PIK3CG: variants seen among roughly 807,000 people sequenced by gnomAD.
PIK3CG encodes the protein phosphatidylinositol 4,5-bisphosphate 3-kinase catalytic subunit gamma isoform.
PIK3CG carries 55 observed loss-of-function variants against 102.3 expected under a neutral mutation model. That is an observed-to-expected ratio of 0.54 (90% CI 0.43 to 0.67). The LOEUF (loss-of-function observed/expected upper bound fraction) is 0.67. PIK3CG is among the 30% of genes least tolerant of loss of function. PIK3CG has a pLI of 0.00. For missense variants in PIK3CG, 1,258 were observed against 1,391.8 expected, an observed-to-expected ratio of 0.90 and a Z score of 1.53; for synonymous variants, 552 against 540.0, an observed-to-expected ratio of 1.02 and a Z score of -0.31.
chr7:106,875,916 T>G (rs1432073358), intron 5 of PIK3CG, among the ~76,000 whole-genome samples: 2 of 148,472 alleles, frequency 1.3e-5, no homozygotes, highest in Non-Finnish European at 1.5e-5. Context: ...TTTGTTTTTT[T>G]TTTTTTTTTG....
chr7:106,889,130 C>A (rs566788169), intron 10 of PIK3CG, among the ~76,000 whole-genome samples: 3 of 152,288 alleles, frequency 2.0e-5, no homozygotes, highest in South Asian at 4.1e-4. Flanking sequence ...GCTCTGCTTA[C>A]AGAGTAAGTG....
Position 106,907,158 on chromosome 7 carries a change from C to T in PIK3CG, c.*1771C>T, listed in dbSNP as rs138772193. The T allele has an allele frequency of 3.4e-5, 6 of 175,888 alleles. No individual in the cohort carries two copies. Among genetic ancestry groups the T allele is most frequent in the Admixed American group, 1.3e-4 (2 of 15,808 alleles). 10.9% of individuals were successfully genotyped at this position (175,888 alleles called of 1,614,324 possible). On this transcript the variant is annotated 3_prime_UTR_variant, in exon 11 of 11. Coordinates refer to ENST00000496166, the MANE Select transcript of PIK3CG (RefSeq NM_001282426.2). ...TAAAAAATAAAAACACCCTTGCCTG[C>T]GCTCCATTCCCAGGTTATAATTTAA... is the stretch of plus-strand genomic sequence containing the variant.
At chr7:106,882,977 C>T (rs2116542718) in intron 7 of PIK3CG, 56 bp from the exon 8 acceptor site, 3 of 1,556,052 alleles carry the variant, frequency 1.9e-6, no homozygotes, top group Non-Finnish European at 2.6e-6. Flanking sequence ...GCCTTTCCTC[C>T]TCTGGGCCAG....
At position 106,872,456 on chromosome 7, in the gene PIK3CG, A is replaced by G; in HGVS notation, c.1996-81A>G. ...CCGTGAAGACCCAGTAAAGCAGAGC[A>G]CCAGTTCTTCTCCATTTCCTTTTCC... is the stretch of plus-strand genomic sequence containing the variant. On this transcript the variant is annotated intron_variant, in intron 2 of 10. Transcript: ENST00000496166. The surrounding 1 kb of genome is among the most constrained non-coding windows in gnomAD (Gnocchi z 5.3). The G allele has an allele frequency of 9.4e-7, 1 of 1,067,352 alleles. No individual in the cohort carries two copies. Among genetic ancestry groups the G allele is most frequent in the Non-Finnish European group, 1.4e-6 (1 of 690,900 alleles). 66.1% of individuals were successfully genotyped at this position (1,067,352 alleles called of 1,614,324 possible). A position where few individuals can be genotyped will look rare whatever the true frequency, so the allele number is the denominator to read the frequency against.
In PIK3CG at chr7:106,867,470, T is replaced by C. The variant is rs1177270460; in HGVS notation, c.-12-80T>C. 1 of 1,309,088 alleles carries C rather than the reference T, an allele frequency of 7.6e-7. No homozygotes were observed. The highest frequency in any genetic ancestry group is 1.5e-5 in the African/African-American group (1 of 67,524). 81.1% of individuals were successfully genotyped at this position (1,309,088 alleles called of 1,614,324 possible). On this transcript the variant is annotated intron_variant, in intron 1 of 10. Coordinates refer to ENST00000496166, the MANE Select transcript of PIK3CG (RefSeq NM_001282426.2). This position sits in a 1 kb window ranked among gnomAD's most constrained non-coding sequence, Gnocchi z 5.1. ...TGTGCACATGTACGCCGCCTATACC[T>C]CCTCTTCCCTCATCTCACCAGAAAA...
chr7:106,902,401 C>T lies in PIK3CG; in HGVS notation c.3031-2708C>T, dbSNP rs1240334207. ...ACAAATGCATCAGTCATGTAACCAC[C>T]ATCACAATTAAGTTATATAACATTT... is the stretch of plus-strand genomic sequence containing the variant. On this transcript the variant is annotated intron_variant, in intron 10 of 10. Coordinates refer to ENST00000496166, the MANE Select transcript of PIK3CG (RefSeq NM_001282426.2). The surrounding 1 kb of genome is among the most constrained non-coding windows in gnomAD (Gnocchi z 4.3). Among the ~76,000 whole-genome samples the T allele has an allele frequency of 3.3e-5, 5 of 152,098 alleles. No homozygotes were observed. Among genetic ancestry groups the T allele is most frequent in the Admixed American group, 3.3e-4 (5 of 15,264 alleles).
rs1438180231 is a variant in PIK3CG at position 106,883,219 on chromosome 7, G to C, written c.2760+56G>C. 2 of 1,575,642 alleles carry C rather than the reference G, an allele frequency of 1.3e-6. No individual in the cohort carries two copies. Among genetic ancestry groups the C allele is most frequent in the Non-Finnish European group, 1.7e-6 (2 of 1,148,860 alleles). On this transcript the variant is annotated intron_variant, in intron 8 of 10. Coordinates refer to ENST00000496166, the MANE Select transcript of PIK3CG (RefSeq NM_001282426.2). The surrounding 1 kb of genome is among the most constrained non-coding windows in gnomAD (Gnocchi z 5.8). ...CTCCTTACAAGTTGTCATTTATATA[G>C]CAGTAGTGGCTTCAAGTTTTCAGAG...
At chr7:106,888,804 C>T (rs4730205) in intron 10 of PIK3CG, among the ~76,000 whole-genome samples, 39,728 of 152,080 alleles carry the variant, frequency 0.26, 5,899 homozygotes, top group Admixed American at 0.38. Flanking sequence ...GGCTTTGTAG[C>T]GGAGAAACTT....
chr7:106,866,149 C>T (rs1790275148), intron 1 of PIK3CG, among the ~76,000 whole-genome samples: 1 of 152,192 alleles, frequency 6.6e-6, no homozygotes, highest in South Asian at 2.1e-4. Context: ...TTTTGGTATA[C>T]ATCAAATGCT....
rs1325668991 is a variant in PIK3CG, at chr7:106,890,864, C to T, written c.3030+4572C>T. Among the ~76,000 whole-genome samples the T allele has an allele frequency of 6.6e-6, 1 of 152,204 alleles. No individual in the cohort carries two copies. Among genetic ancestry groups the T allele is most frequent in the African/African-American group, 2.4e-5 (1 of 41,436 alleles). On this transcript the variant is annotated intron_variant, in intron 10 of 10. Transcript: ENST00000496166. The surrounding 1 kb of genome is among the most constrained non-coding windows in gnomAD (Gnocchi z 4.2). ...CACTGTGGCCTTCCTCCACATCTTCCCCCATCCCAGCTACCCACTGCTTTC... is the reference window on the plus strand; with the variant it reads ...CACTGTGGCCTTCCTCCACATCTTCTCCCATCCCAGCTACCCACTGCTTTC...
In PIK3CG at chr7:106,869,826, A is replaced by G. The variant is rs897181354; in HGVS notation, c.1995+270A>G. On this transcript the variant is annotated intron_variant, in intron 2 of 10. Coordinates refer to ENST00000496166, the MANE Select transcript of PIK3CG (RefSeq NM_001282426.2). The surrounding 1 kb of genome is among the most constrained non-coding windows in gnomAD (Gnocchi z 5.3). ...CTGTGGGAATACTTTGTTCTCATTT[A>G]TTATTTTAATGATAGATTGCACTTA... Among the ~76,000 whole-genome samples the G allele has an allele frequency of 1.3e-5, 2 of 152,184 alleles. No individual in the cohort carries two copies. Among genetic ancestry groups the G allele is most frequent in the Non-Finnish European group, 2.9e-5 (2 of 68,030 alleles).
rs749029489 is a variant in PIK3CG at position 106,884,162 on chromosome 7, C to T, written c.2768C>T (p.Ala923Val). ...EKSPTEEKFQ[A>V]AVERFVYSCA... ...CAAATGCATTTTAATTAGTTTCAGGCAGCAGTGGAGAGATTTGTTTATTCC... is the reference window on the plus strand; with the variant it reads ...CAAATGCATTTTAATTAGTTTCAGGTAGCAGTGGAGAGATTTGTTTATTCC... The change falls in exon 9 of 11, where the codon GCA becomes GTA. Residue 923 changes from alanine (A) to valine (V), a missense_variant. This residue lies in a region of PIK3CG where 426 missense variants were observed against 604.2 expected (regional missense o/e 0.71). Coordinates refer to ENST00000496166, the MANE Select transcript of PIK3CG (RefSeq NM_001282426.2). This position sits in a 1 kb window ranked among gnomAD's most constrained non-coding sequence, Gnocchi z 4.2. 1.1e-5 allele frequency: 17 copies of T among 1,610,292 alleles called. No homozygotes were observed. The highest frequency in any genetic ancestry group is 2.7e-5 in the African/African-American group (2 of 74,736).
At position 106,868,446 on chromosome 7, in the gene PIK3CG, C is replaced by T; in HGVS notation, c.885C>T (p.His295=). ...TCAAAAACTTCCAGTGGGTGAGGCA[C>T]TGCCTCAAGAACGGAGAAGAGATTC... ...TPIKNFQWVR[H]CLKNGEEIHV... is the part of the protein sequence containing the mutation. Residue 295 remains histidine (H), a synonymous_variant, in exon 2 of 11, where the codon CAC becomes CAT. Transcript: ENST00000496166. This position sits in a 1 kb window ranked among gnomAD's most constrained non-coding sequence, Gnocchi z 6.2. The T allele has an allele frequency of 1.6e-5, 26 of 1,614,220 alleles. No individual in the cohort carries two copies. The highest frequency in any genetic ancestry group is 2.1e-5 in the Non-Finnish European group (25 of 1,180,036).
At chr7:106,886,989 C>CT (rs771797409) in intron 10 of PIK3CG, among the ~76,000 whole-genome samples, 12 of 151,254 alleles carry the variant, frequency 7.9e-5, no homozygotes, top group Middle Eastern at 3.4e-3. Flanking sequence ...AGCTGATGAT[C>CT]TAAAAAAAAA....
At chr7:106,875,570 T>C (rs1294055237) in intron 5 of PIK3CG, among the ~76,000 whole-genome samples, 2 of 152,214 alleles carry the variant, frequency 1.3e-5, no homozygotes, top group Non-Finnish European at 2.9e-5. Flanking sequence ...TTCTAGACTT[T>C]TATTAAGAGG....
Position 106,884,254 on chromosome 7 carries a change from A to G in PIK3CG, c.2860A>G (p.Ile954Val), listed in dbSNP as rs770420473. Residue 954 changes from isoleucine (I) to valine (V), a missense_variant, in exon 9 of 11, where the codon ATC becomes GTC. Around this residue, in one of 2 missense-constraint regions of PIK3CG, gnomAD observed 426 missense variants for 604.2 expected, o/e 0.71. Coordinates refer to ENST00000496166, the MANE Select transcript of PIK3CG (RefSeq NM_001282426.2). The surrounding 1 kb of genome is among the most constrained non-coding windows in gnomAD (Gnocchi z 4.2). ...IGDRHNDNIM[I>V]TETGNLFHID... ...CGACAGACACAATGACAATATTATG[A>G]TCACCGAGACAGGTGAGTTTATTTA... is the stretch of plus-strand genomic sequence containing the variant. 2 of 1,609,428 alleles carry G rather than the reference A, an allele frequency of 1.2e-6. No individual in the cohort carries two copies. The highest frequency in any genetic ancestry group is 1.3e-5 in the African/African-American group (1 of 74,830).
At position 106,905,723 on chromosome 7, in the gene PIK3CG, G is replaced by A; in HGVS notation, c.*336G>A. On this transcript the variant is annotated 3_prime_UTR_variant, in exon 11 of 11. Transcript: ENST00000496166. This position sits in a 1 kb window ranked among gnomAD's most constrained non-coding sequence, Gnocchi z 5.6. ...ATTGAGTGCTTCTGGAAATTCTTTGGAATAATTGATGACATCTATTTTCAT... is the reference window on the plus strand; with the variant it reads ...ATTGAGTGCTTCTGGAAATTCTTTGAAATAATTGATGACATCTATTTTCAT... The A allele has an allele frequency of 6.9e-6, 2 of 291,264 alleles. No homozygotes were observed. Among genetic ancestry groups the A allele is most frequent in the Non-Finnish European group, 1.3e-5 (2 of 156,230 alleles). The allele number at this position is 291,264 out of a possible 1,614,324, so 18.0% of individuals were successfully genotyped here.
In PIK3CG at chr7:106,908,133, G is replaced by A. The variant is rs1791738223; in HGVS notation, c.*2746G>A. ...ACTTTTATGTATATCTAGGACTGGC[G>A]ACATAATTTGCAGAGCCCAGTGAAC... On this transcript the variant is annotated 3_prime_UTR_variant, in exon 11 of 11. Coordinates refer to ENST00000496166, the MANE Select transcript of PIK3CG (RefSeq NM_001282426.2). This position sits in a 1 kb window ranked among gnomAD's most constrained non-coding sequence, Gnocchi z 4.1. 6.6e-6 allele frequency among the ~76,000 whole-genome samples: 1 copy of A among 152,022 alleles called. No individual in the cohort carries two copies. The highest frequency in any genetic ancestry group is 6.6e-5 in the Admixed American group (1 of 15,252).
rs1304506191 is a variant in PIK3CG, at chr7:106,886,212, C to T, written c.2950C>T (p.Pro984Ser). 1 of 1,613,886 alleles carries T rather than the reference C, an allele frequency of 6.2e-7. No homozygotes were observed. The highest frequency in any genetic ancestry group is 2.2e-5 in the East Asian group (1 of 44,876). ...SFLGINKERV[P>S]FVLTPDFLFV... ...CCTGGGCATTAATAAAGAGAGAGTG[C>T]CATTTGTGCTAACCCCTGACTTCCT... Residue 984 changes from proline to serine, a missense_variant, in exon 10 of 11, where the codon CCA becomes TCA. By Grantham distance (74) the Pro-to-Ser change is moderately conservative. Transcript: ENST00000496166.
Sources: gnomAD v4.1 joint callset for allele counts (sites outside exome capture counted in the v4.1 genomes callset) on GRCh38, gnomAD v4.1.1 for gene constraint, gnomAD v4.1.1 regional missense constraint, Gnocchi (gnomAD v3.1) non-coding constraint, MANE v1.5 for transcripts, NCBI Gene and HGNC (gene_info 2026-07-23, HGNC 2026-07-21) for gene names.